Variants in EVC observed in about 807,000 individuals in gnomAD.
The protein encoded by EVC is EvC ciliary complex subunit 1.
EVC carries 116 observed loss-of-function variants against 118.9 expected under a neutral mutation model. That is an observed-to-expected ratio of 0.98 (90% confidence interval 0.84 to 1.14). EVC has a LOEUF of 1.14. Among genes scored for constraint, EVC ranks in the 50% most tolerant of loss-of-function variants. The pLI is 0.00. For synonymous variants in EVC, 619 were observed against 534.7 expected, an observed-to-expected ratio of 1.16 and a Z score of -2.18; for missense variants, 1,401 against 1,246.4, an observed-to-expected ratio of 1.12 and a Z score of -1.87.
Position 5,748,302 on chromosome 4 carries a change from C to T in EVC, c.1094C>T (p.Ala365Val). 12 of 1,614,070 alleles carry T rather than the reference C, an allele frequency of 7.4e-6. No individual in the cohort carries two copies. The highest frequency in any genetic ancestry group is 1.1e-5 in the South Asian group (1 of 91,074). ...TTGTGCGATTCTCAGGAGCTGCAGG[C>T]TCTGGTAATGCTGGAGGGGGCGGGA... ...GLLCDSQELQ[A>V]LDALERTMGR... is the part of the protein sequence containing the mutation. The change falls in exon 8 of 21, where the codon GCT becomes GTT. Residue 365 changes from alanine to valine, a missense_variant. By Grantham distance (64) the Ala-to-Val change is moderately conservative (BLOSUM62 0). Transcript: ENST00000264956.
rs1658904139 is a variant in EVC, at chr4:5,731,368, T to C, written c.385-57T>C. The C allele has an allele frequency of 7.4e-7, 1 of 1,353,710 alleles. No homozygotes were observed. The highest frequency in any genetic ancestry group is 1.2e-5 in the South Asian group (1 of 85,558). 83.9% of individuals were successfully genotyped at this position (1,353,710 alleles called of 1,614,324 possible). A position where few individuals can be genotyped will look rare whatever the true frequency, so the allele number is the denominator to read the frequency against. Reference sequence around the variant, plus strand: ...GAATCACTGGTAGAATTATGAATACTAGATCAAATCCCAGAGGCATCACAT... The same window carrying C: ...GAATCACTGGTAGAATTATGAATACCAGATCAAATCCCAGAGGCATCACAT... On this transcript the variant is annotated intron_variant, in intron 3 of 20. Coordinates refer to ENST00000264956, the MANE Select transcript of EVC (RefSeq NM_153717.3). The surrounding 1 kb of genome is among the most constrained non-coding windows in gnomAD (Gnocchi z 5.6).
intron 5 of EVC, among the ~76,000 whole-genome samples, chr4:5,735,569 C>G (rs371372282): frequency 6.6e-6 from 1 of 152,208 alleles, no homozygotes; most frequent in East Asian, 1.9e-4. Flanking sequence ...GGCATGGTCA[C>G]AGCAGTGATT....
At chr4:5,712,020 A>G (rs888275366) in intron 1 of EVC, among the ~76,000 whole-genome samples, 6 of 152,174 alleles carry the variant, frequency 3.9e-5, no homozygotes, top group Non-Finnish European at 7.3e-5. Context: ...CCCCACAGTA[A>G]AAGTTTTCAG....
rs1219812409 is a variant in EVC, at chr4:5,755,726, C to T, written c.1465-538C>T. On this transcript the variant is annotated intron_variant, in intron 10 of 20. Coordinates refer to ENST00000264956, the MANE Select transcript of EVC (RefSeq NM_153717.3). The surrounding 1 kb of genome is among the most constrained non-coding windows in gnomAD (Gnocchi z 4.1). ...AAGGGTCTGTTCCTCTGTCCTTCTG[C>T]CCCACCTCGCCCCTCGCTGATGCTC... Among the ~76,000 whole-genome samples the T allele has an allele frequency of 6.6e-6, 1 of 152,196 alleles. No homozygotes were observed. The highest frequency in any genetic ancestry group is 1.5e-5 in the Non-Finnish European group (1 of 68,040).
At chr4:5,779,638 T>G (rs1190119948) in intron 11 of EVC, among the ~76,000 whole-genome samples, 1 of 97,198 alleles carries the variant, frequency 1.0e-5, no homozygotes, top group Non-Finnish European at 2.0e-5. Context: ...TTTGGCTCTC[T>G]GTTTGTCTGT....
intron 6 of EVC, 24 bp downstream of exon 6, chr4:5,741,838 A>C: frequency 1.5e-6 from 2 of 1,297,100 alleles, no homozygotes; most frequent in Non-Finnish European, 2.2e-6. Context: ...CTATGTTTCA[A>C]GGTAACTTAA....
Position 5,748,249 on chromosome 4 carries a change from G to A in EVC, c.1041G>A (p.Thr347=), listed in dbSNP as rs148418233. ...SKARQLMMTL[T]ERMIAAEGLL... ...CCCGACAGCTGATGATGACTCTGAC[G>A]GAAAGAATGATTGCAGCCGAAGGGC... The change falls in exon 8 of 21, where the codon ACG becomes ACA. Residue 347 remains threonine (T), a synonymous_variant. Coordinates refer to ENST00000264956, the MANE Select transcript of EVC (RefSeq NM_153717.3). 186 of 1,614,124 alleles carry A rather than the reference G, an allele frequency of 1.2e-4. 1 individual carries two copies. The highest frequency in any genetic ancestry group is 6.0e-4 in the Admixed American group (36 of 60,022).
Position 5,757,272 on chromosome 4 carries a change from C to T in EVC, c.1563+910C>T, listed in dbSNP as rs115216281. ...GCAAGGGGCTCCTGGGTGAAGGTGACGTCAAGGACAGCAGCCTGTAGGAGG... is the reference window on the plus strand; with the variant it reads ...GCAAGGGGCTCCTGGGTGAAGGTGATGTCAAGGACAGCAGCCTGTAGGAGG... On this transcript the variant is annotated intron_variant, in intron 11 of 20. Coordinates refer to ENST00000264956, the MANE Select transcript of EVC (RefSeq NM_153717.3). Among the ~76,000 whole-genome samples, 1,502 of 152,246 alleles carry T rather than the reference C, an allele frequency of 9.9e-3. 30 individuals are homozygous for T. Among genetic ancestry groups the T allele is most frequent in the African/African-American group, 0.034 (1,415 of 41,554 alleles).
chr4:5,796,225 A>C (rs777788501), intron 13 of EVC, among the ~76,000 whole-genome samples: 1 of 151,838 alleles, frequency 6.6e-6, no homozygotes, highest in Non-Finnish European at 1.5e-5. Flanking sequence ...CATATTAATC[A>C]TAATTAGTGT....
chr4:5,715,474 A>G (rs1723783811), intron 1 of EVC, among the ~76,000 whole-genome samples: 1 of 152,334 alleles, frequency 6.6e-6, no homozygotes, highest in South Asian at 2.1e-4. Flanking sequence ...TTTGAGAAGC[A>G]GCTACTCATC....
intron 1 of EVC, among the ~76,000 whole-genome samples, chr4:5,715,640 T>A (rs1244935444): frequency 1.3e-5 from 2 of 152,238 alleles, no homozygotes; most frequent in African/African-American, 4.8e-5. Context: ...AGAACTTCTA[T>A]GTCTGAAAAT....
intron 11 of EVC, chr4:5,758,197 G>A (rs1044601664): frequency 1.4e-6 from 1 of 696,884 alleles, no homozygotes; most frequent in South Asian, 1.5e-5. Flanking sequence ...AGCCAGAAGA[G>A]CCCAGGAAGG....
chr4:5,736,951 G>A (rs191496817), intron 5 of EVC, among the ~76,000 whole-genome samples: 80 of 152,320 alleles, frequency 5.3e-4, no homozygotes, highest in Admixed American at 2.2e-3. Context: ...ATGAAGCATA[G>A]TGAGGAAGGC....
intron 17 of EVC, 60 bp from the exon 18 acceptor site, chr4:5,808,141 C>G: frequency 2.7e-6 from 1 of 369,206 alleles, no homozygotes; most frequent in Non-Finnish European, 5.3e-6. Flanking sequence ...CTCCCTCCCT[C>G]CCTCCCTCCC....
chr4:5,794,382 T>A (rs1246891422), intron 13 of EVC, among the ~76,000 whole-genome samples: 1 of 142,350 alleles, frequency 7.0e-6, no homozygotes, highest in Non-Finnish European at 1.5e-5. Flanking sequence ...TATACATATA[T>A]ATATATTTTT....
chr4:5,826,176 C>T, the EVC span: 1 of 155,964 alleles, frequency 6.4e-6, no homozygotes, highest in Admixed American at 6.5e-5. Context: ...ACCCCAAATC[C>T]CTTCCAAAGA....
At chr4:5,825,784 A>G in the EVC span, 3 of 866,214 alleles carry the variant, frequency 3.5e-6, no homozygotes, top group Non-Finnish European at 5.4e-6. The surrounding 1 kb of genome is among the most constrained non-coding windows in gnomAD (Gnocchi z 4.4). Flanking sequence ...ATGCACACAC[A>G]CACACAACAC....
chr4:5,747,082 G>C (rs1330944479), intron 7 of EVC, among the ~76,000 whole-genome samples: 1 of 152,104 alleles, frequency 6.6e-6, no homozygotes, highest in Non-Finnish European at 1.5e-5. Context: ...GCAGGGATGA[G>C]AGGAGGAGCA....
chr4:5,803,009 G>A (rs1715276593), intron 16 of EVC, among the ~76,000 whole-genome samples: 1 of 152,190 alleles, frequency 6.6e-6, no homozygotes, highest in African/African-American at 2.4e-5. Flanking sequence ...CCACCGCAGT[G>A]ACCATGAGTC....
Sources: gnomAD v4.1 joint callset for allele counts (sites outside exome capture counted in the v4.1 genomes callset) on GRCh38, gnomAD v4.1.1 for gene constraint, Gnocchi (gnomAD v3.1) non-coding constraint, MANE v1.5 for transcripts, NCBI Gene and HGNC (gene_info 2026-07-23, HGNC 2026-07-21) for gene names.